Variants in CNTNAP2 observed in about 807,000 individuals in gnomAD.
CNTNAP2 encodes contactin associated protein 2.
In CNTNAP2, 98 loss-of-function variants were observed where a neutral mutation model predicts 155.2. The observed-to-expected ratio is 0.63, with a 90% confidence interval of 0.54 to 0.75. The LOEUF (loss-of-function observed/expected upper bound fraction) is 0.75, where lower values mean the gene tolerates loss of function less well. Ranked by LOEUF, CNTNAP2 falls within the 30% of genes least tolerant of loss-of-function variation. The pLI, the probability that CNTNAP2 is intolerant of heterozygous loss-of-function variation, is 0.00. For synonymous variants in CNTNAP2, 651 were observed against 631.2 expected, an observed-to-expected ratio of 1.03 and a Z score of -0.47; for missense variants, 1,727 against 1,688.1, an observed-to-expected ratio of 1.02 and a Z score of -0.40.
chr7:146,516,574 A>T (rs1261846371), intron 1 of CNTNAP2, among the ~76,000 whole-genome samples: 1 of 151,906 alleles, frequency 6.6e-6, no homozygotes, highest in Non-Finnish European at 1.5e-5. Context: ...GTCAGGAGGG[A>T]GTATAAGTTC....
In CNTNAP2 at chr7:146,774,328, C is replaced by T. The variant is rs1378450832; in HGVS notation, c.155C>T (p.Ser52Phe). ...CCCCATGTGGCTTTCAGCAGCTCCT[C>T]CTCCATCTCTGGTAGCTATTCTCCC... Reference protein sequence around the residue: ...GLPHVAFSSSSSISGSYSPGY... With the variant: ...GLPHVAFSSSFSISGSYSPGY... The change falls in exon 2 of 24, where the codon TCC (serine) becomes TTC (phenylalanine). Residue 52 changes from serine to phenylalanine, a missense_variant. Coordinates refer to ENST00000361727, the MANE Select transcript of CNTNAP2 (RefSeq NM_014141.6). 2 of 1,614,068 alleles carry T rather than the reference C, an allele frequency of 1.2e-6. No individual in the cohort carries two copies. The highest frequency in any genetic ancestry group is 8.5e-7 in the Non-Finnish European group (1 of 1,179,984).
intron 1 of CNTNAP2, among the ~76,000 whole-genome samples, chr7:146,280,632 A>T (rs749239844): frequency 1.3e-5 from 2 of 152,140 alleles, no homozygotes; most frequent in Non-Finnish European, 2.9e-5. Flanking sequence ...GCAGATTTTC[A>T]TAAGTAGGGT....
Position 146,307,767 on chromosome 7 carries a change from C to G in CNTNAP2, c.97+190794C>G, listed in dbSNP as rs575970722. On this transcript the variant is annotated intron_variant, in intron 1 of 23. Transcript: ENST00000361727. The stretch of plus-strand genomic sequence containing the variant: ...TTTAATAAATGGTGCTGGGAAAACT[C>G]GCTAGCCATATGTAGAAAGCTGAAA... 2.5e-3 allele frequency among the ~76,000 whole-genome samples: 382 copies of G among 152,106 alleles called. 4 individuals carry two copies. Among genetic ancestry groups the G allele is most frequent in the African/African-American group, 7.4e-3 (306 of 41,520 alleles).
chr7:146,597,607 T>C (rs1798882694), intron 1 of CNTNAP2, among the ~76,000 whole-genome samples: 1 of 152,098 alleles, frequency 6.6e-6, no homozygotes, highest in African/African-American at 2.4e-5. Context: ...ACCTTAGTTA[T>C]ATTTAGCAAT....
rs112735509 is a variant in CNTNAP2 at position 146,658,156 on chromosome 7, A to G, written c.98-116115A>G. 6.5e-3 allele frequency among the ~76,000 whole-genome samples: 990 copies of G among 152,314 alleles called. 8 individuals are homozygous for G. The highest frequency in any genetic ancestry group is 0.022 in the African/African-American group (920 of 41,562). On this transcript the variant is annotated intron_variant, in intron 1 of 23. Coordinates refer to ENST00000361727, the MANE Select transcript of CNTNAP2 (RefSeq NM_014141.6). ...CTAACTTATGGCTCAGACTGAGGCT[A>G]GATTCACCAACTTTGCATAGCGTCC...
At chr7:146,896,660 A>G (rs929447890) in intron 3 of CNTNAP2, among the ~76,000 whole-genome samples, 1 of 152,038 alleles carries the variant, frequency 6.6e-6, no homozygotes, top group Non-Finnish European at 1.5e-5. Flanking sequence ...AAAACCCACA[A>G]TTACTTTTGC....
intron 15 of CNTNAP2, among the ~76,000 whole-genome samples, chr7:148,040,833 GA>G (rs1802660325): frequency 7.1e-6 from 1 of 140,018 alleles, no homozygotes; most frequent in Non-Finnish European, 1.5e-5. Context: ...GAAATGGAAA[GA>G]GAGCAAATTT....
intron 1 of CNTNAP2, among the ~76,000 whole-genome samples, chr7:146,635,136 C>T (rs1314163625): frequency 6.6e-6 from 1 of 151,838 alleles, no homozygotes; most frequent in African/African-American, 2.4e-5. Flanking sequence ...AGGCCTCAAA[C>T]ATAGCACACA....
intron 16 of CNTNAP2, 72 bp from the exon 17 acceptor site, chr7:148,147,419 C>T (rs987886397): frequency 4.4e-5 from 63 of 1,433,574 alleles, no homozygotes; most frequent in South Asian, 2.0e-4. Context: ...CTTTGTTTGT[C>T]GTCTAGAATT....
chr7:146,520,342 A>G (rs1278142989), intron 1 of CNTNAP2, among the ~76,000 whole-genome samples: 2 of 142,770 alleles, frequency 1.4e-5, no homozygotes, highest in East Asian at 4.1e-4. Context: ...ATATATCTTG[A>G]GATAATATGA....
chr7:147,354,667 G>A (rs826818), intron 9 of CNTNAP2, among the ~76,000 whole-genome samples: 22,308 of 151,994 alleles, frequency 0.15, 1,843 homozygotes, highest in East Asian at 0.31. Context: ...TTCTAATTCT[G>A]TGAAGAAAAT....
At chr7:146,576,114 T>C (rs1414547612) in intron 1 of CNTNAP2, among the ~76,000 whole-genome samples, 1 of 152,192 alleles carries the variant, frequency 6.6e-6, no homozygotes, top group East Asian at 1.9e-4. Flanking sequence ...ACTGAATATA[T>C]GGCCTTGTTA....
chr7:148,331,226 G>A (rs1463979881), intron 21 of CNTNAP2, among the ~76,000 whole-genome samples: 4 of 141,918 alleles, frequency 2.8e-5, no homozygotes, highest in Middle Eastern at 3.6e-3. Flanking sequence ...TGGATGGATG[G>A]AGTGGATGGA....
At chr7:147,168,880 T>C (rs1475401088) in intron 8 of CNTNAP2, among the ~76,000 whole-genome samples, 2 of 152,162 alleles carry the variant, frequency 1.3e-5, no homozygotes, top group African/African-American at 4.8e-5. Flanking sequence ...AAAGCAAAAG[T>C]ATAGTCAGCA....
At chr7:147,692,817 G>A (rs1308774865) in intron 13 of CNTNAP2, among the ~76,000 whole-genome samples, 1 of 151,944 alleles carries the variant, frequency 6.6e-6, no homozygotes, top group Admixed American at 6.6e-5. Flanking sequence ...CTCTTGACAT[G>A]CTCCTTCACA....
At chr7:147,159,089 G>A (rs1360493993) in intron 8 of CNTNAP2, among the ~76,000 whole-genome samples, 1 of 152,078 alleles carries the variant, frequency 6.6e-6, no homozygotes, top group African/African-American at 2.4e-5. Context: ...AACAGGCAAA[G>A]GGAACAGCAT....
chr7:147,229,884 G>A (rs1241472735), intron 8 of CNTNAP2, among the ~76,000 whole-genome samples: 1 of 152,054 alleles, frequency 6.6e-6, no homozygotes, highest in Non-Finnish European at 1.5e-5. Flanking sequence ...CTCTATTAAT[G>A]CTTTATATTT....
At chr7:146,644,781 G>C (rs1458866995) in intron 1 of CNTNAP2, among the ~76,000 whole-genome samples, 1 of 152,114 alleles carries the variant, frequency 6.6e-6, no homozygotes, top group Non-Finnish European at 1.5e-5. Flanking sequence ...ACTAAACCAG[G>C]AAGAAGTTGA....
At chr7:147,365,206 C>T (rs1796207446) in intron 9 of CNTNAP2, among the ~76,000 whole-genome samples, 1 of 151,708 alleles carries the variant, frequency 6.6e-6, no homozygotes, top group Non-Finnish European at 1.5e-5. Flanking sequence ...GAGTTTGAGA[C>T]AAGCCTGGCC....
Sources: allele counts gnomAD v4.1 joint callset (sites outside exome capture counted in the v4.1 genomes callset), GRCh38; gene constraint gnomAD v4.1.1; transcripts MANE v1.5; gene names NCBI Gene and HGNC (gene_info 2026-07-23, HGNC 2026-07-21).